Variants in MYO1H observed in about 807,000 individuals in gnomAD.
MYO1H encodes unconventional myosin-Ih.
A neutral mutation model predicts 149.3 loss-of-function variants in MYO1H; 118 were observed. That is an observed-to-expected ratio of 0.79 (90% CI 0.68 to 0.92). The LOEUF (loss-of-function observed/expected upper bound fraction) is 0.92, where lower values mean the gene tolerates loss of function less well. Ranked by LOEUF, MYO1H falls within the 40% of genes least tolerant of loss-of-function variation. The pLI is 0.00. For missense variants in MYO1H, 1,212 were observed against 1,280.7 expected (o/e 0.95, Z 0.82); for synonymous variants, 447 against 465.2 (o/e 0.96, Z 0.50).
intron 5 of MYO1H, among the ~76,000 whole-genome samples, chr12:109,399,593 A>AAC (rs1870074827): frequency 1.2e-5 from 1 of 81,956 alleles, no homozygotes; most frequent in Non-Finnish European, 3.0e-5. Flanking sequence ...CTCTGTCTCA[A>AAC]AAAAAAAAAA....
chr12:109,425,679 G>C (rs1235691818), intron 17 of MYO1H, among the ~76,000 whole-genome samples: 4 of 152,154 alleles, frequency 2.6e-5, no homozygotes, highest in Non-Finnish European at 5.9e-5. Flanking sequence ...GTTCCTGCTG[G>C]GCACTCACCA....
At chr12:109,370,323 G>A (rs2137014457) in intron 1 of MYO1H, among the ~76,000 whole-genome samples, 1 of 152,334 alleles carries the variant, frequency 6.6e-6, no homozygotes, top group East Asian at 1.9e-4. Context: ...CTTGGAAGAG[G>A]ATGTAGGTGG....
exon 14 of MYO1H, chr12:109,411,911 G>T (rs756626566): frequency 4.4e-5 from 71 of 1,605,388 alleles, no homozygotes; most frequent in Admixed American, 3.6e-4. Context: ...AATGCATTCG[G>T]CCTGGTCCTG....
chr12:109,427,314 CTCA>C (rs1871389720), intron 18 of MYO1H, among the ~76,000 whole-genome samples, 152 bp from the exon 19 acceptor site: 2 of 95,408 alleles, frequency 2.1e-5, no homozygotes, highest in African/African-American at 1.0e-4. Flanking sequence ...GAAACCCCAT[CTCA>C]AAAAAAAAAA....
At position 109,427,672 on chromosome 12, in the gene MYO1H, A is replaced by G. The variant is rs943720092; in HGVS notation, c.1949+86A>G. ...GGGGTTTAGTGGTAAATAAAATGGC[A>G]TCCCTTAGGAAGGCTCAGTTTGGTT... On this transcript the variant is annotated intron_variant, in intron 19 of 31. Transcript: ENST00000310903. The G allele has an allele frequency of 1.2e-3, 1,077 of 935,344 alleles. 7 individuals carry two copies. Among genetic ancestry groups the G allele is most frequent in the Non-Finnish European group, 5.0e-4 (285 of 574,252 alleles). The allele number at this position is 935,344 out of a possible 1,614,324, so 57.9% of individuals were successfully genotyped here. A position where few individuals can be genotyped will look rare whatever the true frequency, so the allele number is the denominator to read the frequency against.
At chr12:109,364,209 C>G (rs985191507) in intron 1 of MYO1H, among the ~76,000 whole-genome samples, 5 of 143,116 alleles carry the variant, frequency 3.5e-5, no homozygotes, top group African/African-American at 1.3e-4. Context: ...GAAGTGGGAA[C>G]AGCATGGGCA....
At chr12:109,330,459 C>G in the MYO1H span, among the ~76,000 whole-genome samples, 1 of 152,164 alleles carries the variant, frequency 6.6e-6, no homozygotes, top group Non-Finnish European at 1.5e-5. Flanking sequence ...CAAGGTTACT[C>G]CTGTGCTTTG....
chr12:109,334,659 C>T, the MYO1H span, among the ~76,000 whole-genome samples: 4 of 152,064 alleles, frequency 2.6e-5, no homozygotes, highest in African/African-American at 9.7e-5. Flanking sequence ...TATCTCGAAG[C>T]CTTTGTTTTA....
intron 5 of MYO1H, among the ~76,000 whole-genome samples, chr12:109,398,910 G>A (rs971171665): frequency 9.9e-5 from 15 of 152,232 alleles, no homozygotes; most frequent in African/African-American, 3.6e-4. Context: ...GTCCAGTCTT[G>A]TAGCATGAAA....
chr12:109,386,357 C>T (rs2137029907), intron 1 of MYO1H, among the ~76,000 whole-genome samples: 1 of 152,196 alleles, frequency 6.6e-6, no homozygotes, highest in Admixed American at 6.5e-5. Context: ...TTACATTTCT[C>T]TTGTGTAAAT....
chr12:109,318,065 G>T, the MYO1H span, among the ~76,000 whole-genome samples: 1 of 152,066 alleles, frequency 6.6e-6, no homozygotes, highest in African/African-American at 2.4e-5. Context: ...TTAAAGTATC[G>T]AACAAAACAT....
intron 12 of MYO1H, 96 bp from the exon 13 acceptor site, chr12:109,410,592 A>AT: frequency 1.3e-6 from 1 of 761,594 alleles, no homozygotes; most frequent in Non-Finnish European, 2.2e-6. Flanking sequence ...TAAAAACTAG[A>AT]TTTTGAAAAA....
At chr12:109,331,864 C>T in the MYO1H span, among the ~76,000 whole-genome samples, 1 of 152,210 alleles carries the variant, frequency 6.6e-6, no homozygotes, top group African/African-American at 2.4e-5. Context: ...TGTGTGTATA[C>T]AGCCTAACCC....
chr12:109,380,958 T>A (rs1869193420), intron 1 of MYO1H, among the ~76,000 whole-genome samples: 1 of 152,020 alleles, frequency 6.6e-6, no homozygotes, highest in Non-Finnish European at 1.5e-5. Flanking sequence ...AAAACTAAGG[T>A]TAAGTTCAAA....
intron 2 of MYO1H, among the ~76,000 whole-genome samples, chr12:109,392,706 ACT>A (rs1357725554): frequency 2.0e-5 from 3 of 151,460 alleles, no homozygotes; most frequent in Admixed American, 6.6e-5. Flanking sequence ...GCAAAGTGAG[ACT>A]CTGTCTCAAA....
intron 30 of MYO1H, among the ~76,000 whole-genome samples, 166 bp downstream of exon 30, chr12:109,444,695 C>T (rs1240085125): frequency 1.3e-5 from 2 of 152,024 alleles, no homozygotes; most frequent in Non-Finnish European, 2.9e-5. Flanking sequence ...GGTGAAACCC[C>T]GTTTCTACTA....
chr12:109,312,566 C>T, the MYO1H span, among the ~76,000 whole-genome samples: 1 of 152,076 alleles, frequency 6.6e-6, no homozygotes, highest in Non-Finnish European at 1.5e-5. Flanking sequence ...CAGGTCATGA[C>T]CGTTTCTTCT....
the MYO1H span, among the ~76,000 whole-genome samples, chr12:109,340,588 G>A: frequency 6.6e-6 from 1 of 152,158 alleles, no homozygotes; most frequent in East Asian, 1.9e-4. Context: ...ATATTTCATT[G>A]AACTTTGGAT....
intron 1 of MYO1H, among the ~76,000 whole-genome samples, chr12:109,364,492 T>C (rs1249098373): frequency 6.6e-6 from 1 of 152,112 alleles, no homozygotes; most frequent in Admixed American, 6.6e-5. Flanking sequence ...GCCAGGCTAA[T>C]TTTTGTATTT....
Sources: gnomAD v4.1 joint callset for allele counts (sites outside exome capture counted in the v4.1 genomes callset) on GRCh38, gnomAD v4.1.1 for gene constraint, MANE v1.5 for transcripts, NCBI Gene and HGNC (gene_info 2026-07-23, HGNC 2026-07-21) for gene names.